Variants in CNTNAP2 observed in about 807,000 individuals in gnomAD.
CNTNAP2 encodes the protein contactin associated protein 2, also known as contactin-associated protein-like 2.
CNTNAP2 carries 98 observed loss-of-function variants against 155.2 expected under a neutral mutation model. The observed-to-expected ratio is 0.63, with a 90% CI of 0.54 to 0.75. The LOEUF (loss-of-function observed/expected upper bound fraction) is 0.75. CNTNAP2 is among the 30% of genes least tolerant of loss of function. CNTNAP2 has a pLI of 0.00. For missense variants in CNTNAP2, 1,727 were observed against 1,688.1 expected (o/e 1.02, Z -0.40); for synonymous variants, 651 against 631.2 (o/e 1.03, Z -0.47).
chr7:146,978,608 A>T lies in CNTNAP2; in HGVS notation c.403-65299A>T, dbSNP rs1176006309. 3.3e-5 allele frequency among the ~76,000 whole-genome samples: 5 copies of T among 152,220 alleles called. No homozygotes were observed. In the South Asian group the frequency reaches 1.0e-3, roughly 32 times the overall value. On this transcript the variant is annotated intron_variant, in intron 3 of 23. Coordinates refer to ENST00000361727, the MANE Select transcript of CNTNAP2 (RefSeq NM_014141.6). ...TCTCTCCCTCTCTCTAGTTAAATGT[A>T]TATATTCATCAGGTATTTGAACTCA...
In CNTNAP2 at chr7:147,116,869, G is replaced by A. The variant is rs140172765; in HGVS notation, c.755-4110G>A. ...TGATCTGGCAAAGCCACTGTGTTACGCTGCTGGGGAAACCTTCCTCCTTGT... is the reference window on the plus strand; with the variant it reads ...TGATCTGGCAAAGCCACTGTGTTACACTGCTGGGGAAACCTTCCTCCTTGT... On this transcript the variant is annotated intron_variant, in intron 5 of 23. Transcript: ENST00000361727. 2.3e-3 allele frequency among the ~76,000 whole-genome samples: 342 copies of A among 151,600 alleles called. 4 individuals are homozygous for A. Among genetic ancestry groups the A allele is most frequent in the African/African-American group, 7.2e-3 (298 of 41,330 alleles).
At chr7:146,573,999 T>A (rs1798482511) in intron 1 of CNTNAP2, among the ~76,000 whole-genome samples, 1 of 152,188 alleles carries the variant, frequency 6.6e-6, no homozygotes, top group Admixed American at 6.5e-5. Flanking sequence ...ATCTGGAAAC[T>A]TTGTTTCTGG....
chr7:147,283,516 A>T (rs190086337), intron 8 of CNTNAP2, among the ~76,000 whole-genome samples: 104 of 151,998 alleles, frequency 6.8e-4, no homozygotes, highest in African/African-American at 2.4e-3. Flanking sequence ...ATAAAAAAAG[A>T]TTATCTGTGG....
At chr7:146,453,811 A>G (rs764520751) in intron 1 of CNTNAP2, among the ~76,000 whole-genome samples, 1 of 152,178 alleles carries the variant, frequency 6.6e-6, no homozygotes, top group Non-Finnish European at 1.5e-5. Flanking sequence ...GAGATTGTAA[A>G]GATGAGTGAA....
chr7:146,966,685 C>A (rs937006387), intron 3 of CNTNAP2, among the ~76,000 whole-genome samples: 5 of 152,112 alleles, frequency 3.3e-5, no homozygotes, highest in Admixed American at 2.0e-4. Context: ...CACAAGCATC[C>A]AATTCACAAT....
At chr7:146,235,750 G>A (rs866337292) in intron 1 of CNTNAP2, among the ~76,000 whole-genome samples, 8 of 152,104 alleles carry the variant, frequency 5.3e-5, no homozygotes, top group South Asian at 2.1e-4. Flanking sequence ...AGTGAAAAGG[G>A]CTATGGGGGC....
At chr7:146,721,810 G>A (rs1392983678) in intron 1 of CNTNAP2, among the ~76,000 whole-genome samples, 2 of 110,362 alleles carry the variant, frequency 1.8e-5, no homozygotes, top group Admixed American at 9.5e-5. Context: ...ACTATATATA[G>A]TCTATATATG....
At chr7:146,931,596 C>T (rs1325724214) in intron 3 of CNTNAP2, among the ~76,000 whole-genome samples, 1 of 150,590 alleles carries the variant, frequency 6.6e-6, no homozygotes, top group East Asian at 1.9e-4. Context: ...CAGAGCAGAA[C>T]TGAAGGAAAT....
At chr7:148,304,447 G>T (rs1415662694) in intron 21 of CNTNAP2, among the ~76,000 whole-genome samples, 3 of 151,940 alleles carry the variant, frequency 2.0e-5, no homozygotes, top group African/African-American at 7.3e-5. Flanking sequence ...TTTGGCATTT[G>T]TCTTTAATTC....
intron 14 of CNTNAP2, among the ~76,000 whole-genome samples, chr7:147,949,458 A>ATTT (rs199529235): frequency 7.3e-6 from 1 of 137,388 alleles, no homozygotes; most frequent in African/African-American, 2.7e-5. Context: ...ATATATATAT[A>ATTT]TTTTTTTTTT....
rs1800083697 is a variant in CNTNAP2, at chr7:148,420,270, G to A, written c.*4654G>A. 1 of 152,116 alleles carries A rather than the reference G, an allele frequency of 6.6e-6. No homozygotes were observed. The highest frequency in any genetic ancestry group is 2.1e-4 in the South Asian group (1 of 4,822). 9.4% of individuals were successfully genotyped at this position (152,116 alleles called of 1,614,324 possible). ...ACATGCTAGATTGGCTTATACATAG[G>A]CCAACACAAAATACAAACGTGACGT... On this transcript the variant is annotated 3_prime_UTR_variant, in exon 24 of 24. Coordinates refer to ENST00000361727, the MANE Select transcript of CNTNAP2 (RefSeq NM_014141.6).
intron 1 of CNTNAP2, among the ~76,000 whole-genome samples, chr7:146,523,430 T>G (rs1797644024): frequency 1.3e-5 from 2 of 152,056 alleles, no homozygotes; most frequent in Non-Finnish European, 2.9e-5. Context: ...AGTGTCCATT[T>G]CCTTCTCATG....
At chr7:147,605,660 T>G (rs192731260) in intron 12 of CNTNAP2, among the ~76,000 whole-genome samples, 1 of 152,138 alleles carries the variant, frequency 6.6e-6, no homozygotes, top group Admixed American at 6.6e-5. Flanking sequence ...TCATGACAAA[T>G]GTGTTTCTTT....
chr7:147,865,138 G>C (rs540504986), intron 13 of CNTNAP2, among the ~76,000 whole-genome samples: 89 of 152,220 alleles, frequency 5.8e-4, no homozygotes, highest in Non-Finnish European at 9.3e-4. Flanking sequence ...TAGCAGGAAG[G>C]GCTGTTGAAT....
intron 4 of CNTNAP2, among the ~76,000 whole-genome samples, chr7:147,101,783 T>A (rs2129277829): frequency 6.6e-6 from 1 of 152,242 alleles, no homozygotes; most frequent in African/African-American, 2.4e-5. Flanking sequence ...TCTCTCCTTC[T>A]CTGCTGTGCC....
chr7:147,253,322 G>A (rs1002515696), intron 8 of CNTNAP2, among the ~76,000 whole-genome samples: 6 of 150,008 alleles, frequency 4.0e-5, no homozygotes, highest in Middle Eastern at 7.0e-3. Context: ...CCCTAGCCAC[G>A]TAGAAGCATC....
chr7:147,822,685 C>T (rs921979075), intron 13 of CNTNAP2, among the ~76,000 whole-genome samples: 1 of 152,026 alleles, frequency 6.6e-6, no homozygotes, highest in Admixed American at 6.6e-5. Context: ...CATAGGGAAC[C>T]GTGCCCTGAT....
At chr7:146,348,135 A>G (rs771882190) in intron 1 of CNTNAP2, among the ~76,000 whole-genome samples, 12 of 152,150 alleles carry the variant, frequency 7.9e-5, no homozygotes, top group Non-Finnish European at 1.5e-4. Context: ...ATACGAAGCC[A>G]CAGGCTGGGC....
chr7:146,130,593 T>C (rs1797699834), intron 1 of CNTNAP2, among the ~76,000 whole-genome samples: 1 of 152,242 alleles, frequency 6.6e-6, no homozygotes, highest in South Asian at 2.1e-4. Flanking sequence ...ATGTATGTTA[T>C]TGAAACAGCA....
Sources: gnomAD v4.1 joint callset for allele counts (sites outside exome capture counted in the v4.1 genomes callset) on GRCh38, gnomAD v4.1.1 for gene constraint, MANE v1.5 for transcripts, NCBI Gene and HGNC (gene_info 2026-07-23, HGNC 2026-07-21) for gene names.